The following CNTN5 variants were observed in gnomAD, a reference collection of about 807,000 sequenced individuals.
CNTN5 encodes the protein contactin 5.
In CNTN5, 77 loss-of-function variants were observed where a neutral mutation model predicts 129.1. The ratio of observed to expected loss-of-function variants is 0.60; its 90% CI spans 0.50 to 0.72. The LOEUF is 0.72. CNTN5 is among the 30% of genes least tolerant of loss of function. The pLI, the probability that CNTN5 is intolerant of heterozygous loss-of-function variation, is 0.00. For missense variants in CNTN5, 1,478 were observed against 1,328.8 expected, an observed-to-expected ratio of 1.11 and a Z score of -1.75; for synonymous variants, 509 against 465.6, an observed-to-expected ratio of 1.09 and a Z score of -1.20.
At chr11:99,878,243 A>G (rs1948684208) in intron 6 of CNTN5, among the ~76,000 whole-genome samples, 2 of 152,172 alleles carry the variant, frequency 1.3e-5, no homozygotes, top group Admixed American at 1.3e-4. Context: ...ATCAGAGTCA[A>G]ATGTCTTGGC....
At chr11:99,225,946 T>A (rs1860659500) in intron 1 of CNTN5, among the ~76,000 whole-genome samples, 2 of 152,206 alleles carry the variant, frequency 1.3e-5, no homozygotes, top group South Asian at 4.1e-4. Context: ...TGACTCATAA[T>A]AAATGAGGAA....
chr11:99,817,895 C>T (rs1033902947), intron 3 of CNTN5, among the ~76,000 whole-genome samples: 29 of 152,146 alleles, frequency 1.9e-4, no homozygotes, highest in African/African-American at 6.3e-4. Context: ...TGTGGTTGAC[C>T]AGCAAAGAGT....
chr11:99,507,848 G>C (rs1192220613), intron 2 of CNTN5, among the ~76,000 whole-genome samples: 1 of 152,120 alleles, frequency 6.6e-6, no homozygotes, highest in Non-Finnish European at 1.5e-5. Context: ...AAAACACAGA[G>C]TATTTTTCTG....
At chr11:100,199,086 C>T (rs538923138) in intron 15 of CNTN5, among the ~76,000 whole-genome samples, 1 of 151,960 alleles carries the variant, frequency 6.6e-6, no homozygotes, top group Non-Finnish European at 1.5e-5. Context: ...GGTATACTGC[C>T]AGTTTACTAA....
chr11:99,123,211 T>A (rs1858445295), intron 1 of CNTN5, among the ~76,000 whole-genome samples: 1 of 152,162 alleles, frequency 6.6e-6, no homozygotes, highest in African/African-American at 2.4e-5. Context: ...TTAGCATGTT[T>A]TTTTTTTCAC....
At chr11:100,208,736 A>T (rs1404691182) in intron 15 of CNTN5, among the ~76,000 whole-genome samples, 2 of 152,152 alleles carry the variant, frequency 1.3e-5, no homozygotes, top group Non-Finnish European at 2.9e-5. Context: ...TCATTCAATC[A>T]TGGCTCCAAA....
intron 1 of CNTN5, among the ~76,000 whole-genome samples, chr11:99,277,645 A>G (rs566838972): frequency 6.6e-6 from 1 of 151,764 alleles, no homozygotes; most frequent in South Asian, 2.1e-4. Flanking sequence ...TGCTATTTGC[A>G]GTACTGAACT....
At chr11:99,918,773 C>T (rs1293369303) in intron 7 of CNTN5, among the ~76,000 whole-genome samples, 6 of 152,164 alleles carry the variant, frequency 3.9e-5, no homozygotes, top group African/African-American at 1.4e-4. Flanking sequence ...TCTTCGTCCC[C>T]TACTTCCAAG....
intron 13 of CNTN5, among the ~76,000 whole-genome samples, chr11:100,105,167 C>T (rs1035337): frequency 0.26 from 40,215 of 152,140 alleles, 5,792 homozygotes; most frequent in East Asian, 0.52. Flanking sequence ...GCAAAAGCTT[C>T]ATGAACTTGC....
At chr11:99,504,202 A>G (rs1465175299) in intron 2 of CNTN5, among the ~76,000 whole-genome samples, 1 of 152,198 alleles carries the variant, frequency 6.6e-6, no homozygotes, top group African/African-American at 2.4e-5. Flanking sequence ...TAATAATCCT[A>G]GCACCCATGG....
intron 13 of CNTN5, among the ~76,000 whole-genome samples, chr11:100,088,638 T>A (rs970103962): frequency 2.0e-4 from 30 of 151,962 alleles, no homozygotes; most frequent in African/African-American, 7.2e-4. Flanking sequence ...AATATCTAGA[T>A]GAAATGCATA....
At chr11:99,991,875 G>T (rs560145312) in intron 8 of CNTN5, among the ~76,000 whole-genome samples, 1 of 152,212 alleles carries the variant, frequency 6.6e-6, no homozygotes, top group African/African-American at 2.4e-5. Context: ...GGACAAAGGG[G>T]TAATCAAACT....
chr11:99,774,202 G>A (rs1196978694), intron 3 of CNTN5, among the ~76,000 whole-genome samples: 1 of 151,556 alleles, frequency 6.6e-6, no homozygotes, highest in Non-Finnish European at 1.5e-5. Flanking sequence ...AATTAACTCT[G>A]TCTAGTACAT....
intron 13 of CNTN5, among the ~76,000 whole-genome samples, chr11:100,126,151 C>A (rs1234396188): frequency 6.6e-6 from 1 of 152,022 alleles, no homozygotes; most frequent in Admixed American, 6.6e-5. Flanking sequence ...TTGTATTCCA[C>A]TGTGACCCAA....
chr11:99,448,905 C>T (rs749232978), intron 2 of CNTN5, among the ~76,000 whole-genome samples: 6 of 151,650 alleles, frequency 4.0e-5, no homozygotes, highest in South Asian at 2.1e-4. Flanking sequence ...CCCAGCCTCC[C>T]GAGTAGCTGG....
chr11:99,906,996 C>G (rs1371216791), intron 6 of CNTN5, among the ~76,000 whole-genome samples: 2 of 151,842 alleles, frequency 1.3e-5, no homozygotes, highest in African/African-American at 2.4e-5. Context: ...TTTATTGTGT[C>G]TATTTGATTC....
chr11:99,033,273 A>C (rs1177187945), intron 1 of CNTN5, among the ~76,000 whole-genome samples: 1 of 151,846 alleles, frequency 6.6e-6, no homozygotes, highest in Non-Finnish European at 1.5e-5. Context: ...TTCCATATGA[A>C]CTTTAAAGTA....
At chr11:100,041,105 G>A (rs530916995) in intron 9 of CNTN5, among the ~76,000 whole-genome samples, 30 of 152,040 alleles carry the variant, frequency 2.0e-4, no homozygotes, top group African/African-American at 6.8e-4. Flanking sequence ...GTTCCTATTC[G>A]GCCATCTTGG....
intron 6 of CNTN5, among the ~76,000 whole-genome samples, chr11:99,875,024 C>T (rs978314363): frequency 1.3e-5 from 2 of 152,144 alleles, no homozygotes; most frequent in Non-Finnish European, 2.9e-5. Flanking sequence ...TTGAAGAACA[C>T]AGATTACTGG....
Sources: gnomAD v4.1 joint callset for allele counts (sites outside exome capture counted in the v4.1 genomes callset) on GRCh38, gnomAD v4.1.1 for gene constraint, MANE v1.5 for transcripts, NCBI Gene and HGNC (gene_info 2026-07-23, HGNC 2026-07-21) for gene names.